Variants in LSAMP observed in about 807,000 individuals in gnomAD.
LSAMP encodes the protein limbic system-associated membrane protein.
LSAMP carries 7 observed loss-of-function variants against 38.6 expected under a neutral mutation model. The observed-to-expected ratio is 0.18, with a 90% CI of 0.10 to 0.34. The LOEUF (loss-of-function observed/expected upper bound fraction) is 0.34, where lower values mean the gene tolerates loss of function less well. Among genes scored for constraint, LSAMP ranks in the 10% least tolerant of loss-of-function variants. LSAMP has a pLI of 1.00. For missense variants in LSAMP, 313 were observed against 420.0 expected, an observed-to-expected ratio of 0.75 and a Z score of 2.23; for synonymous variants, 154 against 166.8, an observed-to-expected ratio of 0.92 and a Z score of 0.59.
chr3:116,159,334 G>A (rs1294714001), intron 1 of LSAMP, among the ~76,000 whole-genome samples: 1 of 152,106 alleles, frequency 6.6e-6, no homozygotes, highest in Non-Finnish European at 1.5e-5. Flanking sequence ...TAGAATGGGA[G>A]TAAATATTTG....
intron 1 of LSAMP, among the ~76,000 whole-genome samples, chr3:116,176,133 C>T (rs548111410): frequency 6.6e-6 from 1 of 152,162 alleles, no homozygotes; most frequent in South Asian, 2.1e-4. Flanking sequence ...AGTCATTATC[C>T]TCACTCATAG....
intron 2 of LSAMP, among the ~76,000 whole-genome samples, chr3:116,060,455 CAT>C (rs1553700159): frequency 1.3e-4 from 20 of 152,148 alleles, no homozygotes; most frequent in African/African-American, 4.1e-4. Context: ...CACACACACA[CAT>C]AGACATAAAA....
At chr3:116,180,388 T>A (rs893836823) in intron 1 of LSAMP, among the ~76,000 whole-genome samples, 14 of 151,368 alleles carry the variant, frequency 9.2e-5, no homozygotes, top group East Asian at 1.9e-4. Flanking sequence ...TTTTTTTTTT[T>A]ATCATTTTTC....
intron 1 of LSAMP, among the ~76,000 whole-genome samples, chr3:116,263,261 G>GGT (rs1176408840): frequency 1.3e-5 from 2 of 152,176 alleles, no homozygotes; most frequent in Non-Finnish European, 2.9e-5. Context: ...GATGGGGCTG[G>GGT]GTGCGGTGGC....
intron 6 of LSAMP, among the ~76,000 whole-genome samples, chr3:115,816,952 C>T (rs1239235216): frequency 2.0e-5 from 3 of 152,212 alleles, no homozygotes; most frequent in South Asian, 4.1e-4. Context: ...TAAAGGTACT[C>T]TTGACCGCAA....
intron 3 of LSAMP, among the ~76,000 whole-genome samples, chr3:115,908,159 C>T (rs891499137): frequency 1.3e-5 from 2 of 151,836 alleles, no homozygotes; most frequent in Non-Finnish European, 2.9e-5. Flanking sequence ...TTATTTATGC[C>T]GTTTCATCTA....
chr3:116,006,534 A>G (rs1940166725), intron 3 of LSAMP, among the ~76,000 whole-genome samples: 1 of 152,176 alleles, frequency 6.6e-6, no homozygotes, highest in South Asian at 2.1e-4. Context: ...TAGAAGTCAT[A>G]TATATAGCAG....
rs966367436 is a variant in LSAMP, at chr3:115,810,201, T to G, written c.*116A>C. 3 of 667,068 alleles carry G rather than the reference T, an allele frequency of 4.5e-6. No homozygotes were observed. Among genetic ancestry groups the G allele is most frequent in the African/African-American group, 3.7e-5 (2 of 54,588 alleles). 41.3% of individuals were successfully genotyped at this position (667,068 alleles called of 1,614,324 possible). ...CTTCATGTATAAACACACAAAGTTG[T>G]GAAATAAACGGTCTCCCCCATCTCT... On this transcript the variant is annotated 3_prime_UTR_variant, in exon 7 of 7. Coordinates refer to ENST00000490035, the MANE Select transcript of LSAMP (RefSeq NM_002338.5).
At chr3:115,873,375 T>G (rs1936099021) in intron 3 of LSAMP, among the ~76,000 whole-genome samples, 1 of 135,624 alleles carries the variant, frequency 7.4e-6, no homozygotes, top group African/African-American at 3.0e-5. Flanking sequence ...AGAGTGAGGC[T>G]CTGAAAAAAA....
intron 1 of LSAMP, among the ~76,000 whole-genome samples, chr3:116,165,471 A>T (rs150121822): frequency 0.015 from 2,294 of 152,328 alleles, 31 homozygotes; most frequent in Non-Finnish European, 0.023. Flanking sequence ...AGAAAATAGC[A>T]AAGCGCAATG....
intron 1 of LSAMP, among the ~76,000 whole-genome samples, chr3:116,277,348 T>C (rs1334700485): frequency 6.6e-6 from 1 of 151,718 alleles, no homozygotes; most frequent in Non-Finnish European, 1.5e-5. Flanking sequence ...ATTCTTTGAA[T>C]ATAAGAATTC....
intron 6 of LSAMP, among the ~76,000 whole-genome samples, chr3:115,819,187 T>A (rs1934144849): frequency 6.6e-6 from 1 of 151,838 alleles, no homozygotes; most frequent in East Asian, 1.9e-4. Flanking sequence ...GGCTCACGCC[T>A]GTAATCCCAG....
chr3:115,887,148 T>C (rs72955526), intron 3 of LSAMP, among the ~76,000 whole-genome samples: 3,888 of 152,008 alleles, frequency 0.026, 155 homozygotes, highest in African/African-American at 0.087. Flanking sequence ...AAAGCCTAAA[T>C]AATTTTCATG....
chr3:116,330,060 G>GA (rs2047828112), intron 1 of LSAMP, among the ~76,000 whole-genome samples: 3 of 152,092 alleles, frequency 2.0e-5, no homozygotes, highest in Admixed American at 1.3e-4. Context: ...TTTGCATAGT[G>GA]TTCAGTTATT....
At chr3:116,393,186 T>C (rs2048725917) in intron 1 of LSAMP, among the ~76,000 whole-genome samples, 1 of 152,116 alleles carries the variant, frequency 6.6e-6, no homozygotes, top group Admixed American at 6.5e-5. Flanking sequence ...CCCATGACAC[T>C]GTGGGCAAAG....
At chr3:115,984,209 G>T (rs1036436814) in intron 3 of LSAMP, among the ~76,000 whole-genome samples, 9 of 152,050 alleles carry the variant, frequency 5.9e-5, no homozygotes, top group African/African-American at 2.2e-4. Context: ...CTGAATGGGG[G>T]TGCTATTCAC....
chr3:115,857,279 C>G (rs1000421794), intron 3 of LSAMP, among the ~76,000 whole-genome samples: 2 of 152,196 alleles, frequency 1.3e-5, no homozygotes, highest in Non-Finnish European at 2.9e-5. Context: ...TCCTTTCTTT[C>G]CCTTTGCCCC....
chr3:116,302,114 C>G (rs2047418024), intron 1 of LSAMP, among the ~76,000 whole-genome samples: 1 of 152,190 alleles, frequency 6.6e-6, no homozygotes, highest in African/African-American at 2.4e-5. Flanking sequence ...GAAATGAAGG[C>G]ACTGATAATT....
At chr3:115,947,111 A>C (rs1232191311) in intron 3 of LSAMP, among the ~76,000 whole-genome samples, 1 of 152,168 alleles carries the variant, frequency 6.6e-6, no homozygotes, top group African/African-American at 2.4e-5. Flanking sequence ...CATTAATGAC[A>C]GAAATCTTTA....
Sources: gnomAD v4.1 joint callset for allele counts (sites outside exome capture counted in the v4.1 genomes callset) on GRCh38, gnomAD v4.1.1 for gene constraint, MANE v1.5 for transcripts, NCBI Gene and HGNC (gene_info 2026-07-23, HGNC 2026-07-21) for gene names.